NCMAP: variants seen among roughly 807,000 people sequenced by gnomAD.
NCMAP encodes non-compact myelin associated protein, also known as noncompact myelin-associated protein.
A neutral mutation model predicts 7.8 loss-of-function variants in NCMAP; 8 were observed. That is an observed-to-expected ratio of 1.02 (90% CI 0.60 to 1.84). The LOEUF (loss-of-function observed/expected upper bound fraction) is 1.84, where lower values mean the gene tolerates loss of function less well. Ranked by LOEUF, NCMAP falls within the 40% of genes most tolerant of loss-of-function variation. NCMAP has a pLI of 0.00. For synonymous variants in NCMAP, 41 were observed against 52.9 expected (o/e 0.78, Z 0.98); for missense variants, 112 against 131.4 (o/e 0.85, Z 0.72).
At chr1:24,591,207 G>T (rs1050587599) in intron 1 of NCMAP, among the ~76,000 whole-genome samples, 1 of 152,182 alleles carries the variant, frequency 6.6e-6, no homozygotes, top group African/African-American at 2.4e-5. Flanking sequence ...GGGAGGGTAG[G>T]GGACAGAATC....
At position 24,577,407 on chromosome 1, in the gene NCMAP, T is replaced by TTTTGTTG. The variant is rs1557596533; in HGVS notation, c.-7-18014_-7-18013insGTTGTTT. Among the ~76,000 whole-genome samples the TTTTGTTG allele has an allele frequency of 1.7e-3, 246 of 140,854 alleles. 5 individuals are homozygous for TTTTGTTG. Among genetic ancestry groups the TTTTGTTG allele is most frequent in the African/African-American group, 6.4e-3 (232 of 36,032 alleles). 92.4% of individuals were successfully genotyped at this position (140,854 alleles called of 152,430 possible). The stretch of plus-strand genomic sequence containing the variant: ...CTAAGAAGGCACTGGCCTTGTTTTT[T>TTTTGTTG]TTTTTTTTTTTTTTTTTTTTTTTTG... On this transcript the variant is annotated intron_variant, in intron 1 of 3. Coordinates refer to ENST00000374392, the MANE Select transcript of NCMAP (RefSeq NM_001010980.5).
chr1:24,594,500 T>C (rs552456739), intron 1 of NCMAP, among the ~76,000 whole-genome samples: 1 of 152,228 alleles, frequency 6.6e-6, no homozygotes, highest in East Asian at 1.9e-4. Flanking sequence ...CCTGAGAGGA[T>C]TAAATCGATA....
At chr1:24,589,945 C>A (rs902199605) in intron 1 of NCMAP, among the ~76,000 whole-genome samples, 2 of 152,198 alleles carry the variant, frequency 1.3e-5, no homozygotes, top group Admixed American at 1.3e-4. Flanking sequence ...GCCTCAGCCT[C>A]CCTCAAGAGT....
rs567967533 is a variant in NCMAP at position 24,601,885 on chromosome 1, G to GA, written c.167+867dup. 4.8e-3 allele frequency among the ~76,000 whole-genome samples: 728 copies of GA among 151,508 alleles called. 6 individuals carry two copies. The highest frequency in any genetic ancestry group is 8.6e-3 in the Non-Finnish European group (580 of 67,780). On this transcript the variant is annotated intron_variant, in intron 3 of 3. Transcript: ENST00000374392. Reference sequence around the variant, plus strand: ...GAAACCCCGTCTCTACTAAAAATACGAAAAAATTAGCCGGGTGTGGCGGCG... The same window carrying GA: ...GAAACCCCGTCTCTACTAAAAATACGAAAAAAATTAGCCGGGTGTGGCGGCG...
chr1:24,568,034 C>T (rs924965218), intron 1 of NCMAP, among the ~76,000 whole-genome samples: 2 of 152,054 alleles, frequency 1.3e-5, no homozygotes, highest in South Asian at 2.1e-4. Flanking sequence ...CGTGACCGCT[C>T]GTCACCTAAT....
intron 1 of NCMAP, among the ~76,000 whole-genome samples, chr1:24,581,906 G>T (rs542087532): frequency 6.6e-6 from 1 of 152,304 alleles, no homozygotes; most frequent in Non-Finnish European, 1.5e-5. Flanking sequence ...TGGCTGGCAG[G>T]GGCTGGGCTG....
At chr1:24,594,159 T>G (rs1652141347) in intron 1 of NCMAP, among the ~76,000 whole-genome samples, 1 of 152,102 alleles carries the variant, frequency 6.6e-6, no homozygotes, top group South Asian at 2.1e-4. Context: ...CCCAAAGTGC[T>G]GAGATTACCG....
At chr1:24,568,819 C>T (rs1048633903) in intron 1 of NCMAP, among the ~76,000 whole-genome samples, 11 of 151,992 alleles carry the variant, frequency 7.2e-5, no homozygotes, top group South Asian at 6.2e-4. Context: ...ACAGGGGTCT[C>T]GATATATTGC....
rs1557601718 is a variant in NCMAP at position 24,595,450 on chromosome 1, TG to T, written c.25del (p.Asp9IlefsTer7). The T allele has an allele frequency of 6.2e-7, 1 of 1,613,962 alleles. No individual in the cohort carries two copies. The highest frequency in any genetic ancestry group is 1.7e-5 in the Admixed American group (1 of 60,032). On this transcript the variant is annotated frameshift_variant, in exon 2 of 4. Coordinates refer to ENST00000374392, the MANE Select transcript of NCMAP (RefSeq NM_001010980.5). LOFTEE classifies it high-confidence loss of function. MTTATP[L>X]GDTTFFSLNM... ...ATCGAGATGACCACAGCCACCCCTCTGGGGGATACCACCTTCTTCTCACTGA... is the reference window on the plus strand; with the variant it reads ...ATCGAGATGACCACAGCCACCCCTCTGGGGATACCACCTTCTTCTCACTGA...
chr1:24,569,111 A>G (rs1188318205), intron 1 of NCMAP, among the ~76,000 whole-genome samples: 1 of 151,686 alleles, frequency 6.6e-6, no homozygotes, highest in Admixed American at 6.6e-5. Flanking sequence ...CTCCCACCTC[A>G]GCCTCCCGAG....
intron 1 of NCMAP, among the ~76,000 whole-genome samples, chr1:24,579,039 G>T (rs920550094): frequency 2.0e-5 from 3 of 152,086 alleles, no homozygotes; most frequent in Admixed American, 2.0e-4. Context: ...GACTGTGCCC[G>T]GCAGCGCGGA....
At chr1:24,602,939 C>T in intron 3 of NCMAP, among the ~76,000 whole-genome samples, 1 of 151,858 alleles carries the variant, frequency 6.6e-6, no homozygotes, top group East Asian at 1.9e-4. Context: ...ACTTGGGAGG[C>T]TGAGGCAGGA....
chr1:24,581,753 C>T (rs994874461), intron 1 of NCMAP, among the ~76,000 whole-genome samples: 7 of 152,202 alleles, frequency 4.6e-5, no homozygotes, highest in African/African-American at 1.7e-4. Flanking sequence ...AGACAGTCTA[C>T]TTTAGTAGAC....
intron 1 of NCMAP, among the ~76,000 whole-genome samples, chr1:24,584,760 G>A (rs534554483): frequency 1.5e-4 from 23 of 151,822 alleles, no homozygotes; most frequent in African/African-American, 4.4e-4. Context: ...TCATTCTTTC[G>A]GTCTGAGTTC....
At chr1:24,591,265 T>C (rs749483896) in intron 1 of NCMAP, among the ~76,000 whole-genome samples, 6 of 152,108 alleles carry the variant, frequency 3.9e-5, no homozygotes, top group Admixed American at 6.6e-5. Flanking sequence ...GACTGGGGAC[T>C]GGGCTGTGTC....
At chr1:24,592,184 G>T (rs867608378) in intron 1 of NCMAP, among the ~76,000 whole-genome samples, 1 of 152,186 alleles carries the variant, frequency 6.6e-6, no homozygotes, top group Non-Finnish European at 1.5e-5. Context: ...TAGCTGAGAC[G>T]CTGGAAACAG....
chr1:24,557,823 C>T (rs562978586), intron 1 of NCMAP, among the ~76,000 whole-genome samples: 1 of 152,146 alleles, frequency 6.6e-6, no homozygotes, highest in Admixed American at 6.5e-5. Flanking sequence ...GCCAAGCCAG[C>T]CAGCCGCGGC....
intron 1 of NCMAP, among the ~76,000 whole-genome samples, chr1:24,557,087 T>C (rs940005944): frequency 6.6e-6 from 1 of 152,200 alleles, no homozygotes; most frequent in Non-Finnish European, 1.5e-5. Flanking sequence ...TCAATGAACA[T>C]GAGCTATTAA....
intron 1 of NCMAP, among the ~76,000 whole-genome samples, chr1:24,588,457 GC>G (rs1557599705): frequency 6.6e-6 from 1 of 152,184 alleles, no homozygotes; most frequent in African/African-American, 2.4e-5. Flanking sequence ...GGAGAGGTCT[GC>G]CGGGGTTGGT....
Sources: gnomAD v4.1 joint callset for allele counts (sites outside exome capture counted in the v4.1 genomes callset) on GRCh38, gnomAD v4.1.1 for gene constraint, MANE v1.5 for transcripts, NCBI Gene and HGNC (gene_info 2026-07-23, HGNC 2026-07-21) for gene names.